The following PWWP2A variants were observed in gnomAD, a reference collection of about 807,000 sequenced individuals.
PWWP2A encodes the protein PWWP domain-containing protein 2A.
Under a neutral mutation model 48.5 loss-of-function variants are expected in PWWP2A, and 18 were observed. The ratio of observed to expected loss-of-function variants is 0.37; its 90% CI spans 0.26 to 0.55. The LOEUF (loss-of-function observed/expected upper bound fraction) is 0.55, where lower values mean the gene tolerates loss of function less well. Among genes scored for constraint, PWWP2A ranks in the 20% least tolerant of loss-of-function variants. PWWP2A has a pLI of 0.81. For missense variants in PWWP2A, 867 were observed against 976.4 expected, an observed-to-expected ratio of 0.89 and a Z score of 1.49; for synonymous variants, 396 against 387.7, an observed-to-expected ratio of 1.02 and a Z score of -0.25.
rs747040749 is a variant in PWWP2A, at chr5:160,118,875, C to T, written c.514G>A (p.Asp172Asn). Residue 172 changes from aspartate (D) to asparagine (N), a missense_variant, in exon 1 of 2, where the codon GAC (aspartate) becomes AAC (asparagine). This residue lies in a region of PWWP2A where 385 missense variants were observed against 396.9 expected (regional missense o/e 0.97). Coordinates refer to ENST00000307063, the MANE Select transcript of PWWP2A (RefSeq NM_001130864.2). Reference protein sequence around the residue: ...VRVTLDHIIEDALVVSFRFGE... With the variant: ...VRVTLDHIIENALVVSFRFGE... The stretch of plus-strand genomic sequence containing the variant: ...AAGCGGAACGACACGACAAGCGCGT[C>T]CTCAATGATGTGGTCCAGCGTGACC... 1 of 1,596,872 alleles carries T rather than the reference C, an allele frequency of 6.3e-7. No homozygotes were observed. Among genetic ancestry groups the T allele is most frequent in the African/African-American group, 1.4e-5 (1 of 72,736 alleles).
At chr5:160,063,773 A>G (rs554277020) in intron 4 of PWWP2A, 48 of 152,250 alleles carry the variant, frequency 3.2e-4, no homozygotes, top group Admixed American at 1.0e-3. Flanking sequence ...GATGTTCCTT[A>G]TATCTTAAAA....
rs761605323 is a variant in PWWP2A at position 160,093,873 on chromosome 5, A to G, written c.777T>C (p.Thr259=). The change falls in exon 2 of 2, where the codon ACT becomes ACC. Residue 259 remains threonine (T), a synonymous_variant. Coordinates refer to ENST00000307063, the MANE Select transcript of PWWP2A (RefSeq NM_001130864.2). The surrounding 1 kb of genome is among the most constrained non-coding windows in gnomAD (Gnocchi z 5.8). The part of the protein sequence containing the change: ...PELSLAESLW[T]SKPPPLFHEG... ...CATGGAAGAGAGGTGGTGGTTTGGA[A>G]GTCCACAGGCTTTCAGCCAAGCTCA... 3.7e-6 allele frequency: 6 copies of G among 1,614,042 alleles called. No individual in the cohort carries two copies. Among genetic ancestry groups the G allele is most frequent in the Non-Finnish European group, 5.1e-6 (6 of 1,179,894 alleles).
At chr5:160,104,679 C>A (rs1756685733) in intron 1 of PWWP2A, among the ~76,000 whole-genome samples, 1 of 152,062 alleles carries the variant, frequency 6.6e-6, no homozygotes, top group Non-Finnish European at 1.5e-5. Context: ...ATGGTGGATG[C>A]CTGTAATCCC....
intron 1 of PWWP2A, among the ~76,000 whole-genome samples, chr5:160,112,126 CAAAAAA>C (rs11480893): frequency 3.2e-4 from 29 of 90,866 alleles, no homozygotes; most frequent in African/African-American, 1.3e-3. Flanking sequence ...GACCCTTTCT[CAAAAAA>C]AAAAAAAAAA....
intron 2 of PWWP2A, among the ~76,000 whole-genome samples, chr5:160,067,336 T>C (rs1055195455): frequency 6.6e-6 from 1 of 152,150 alleles, no homozygotes; most frequent in Admixed American, 6.5e-5. Context: ...GATAGACACC[T>C]TGAAATGGTC....
the PWWP2A span, chr5:160,049,748 T>C: frequency 8.6e-7 from 1 of 1,165,726 alleles, no homozygotes; most frequent in Non-Finnish European, 1.2e-6. Flanking sequence ...TCAGACACAA[T>C]TAAATTCCAT....
At chr5:160,108,064 A>G (rs557533718) in intron 1 of PWWP2A, among the ~76,000 whole-genome samples, 85 of 152,302 alleles carry the variant, frequency 5.6e-4, no homozygotes, top group African/African-American at 2.0e-3. Context: ...TGTGTATAAC[A>G]CATCTAGTGT....
chr5:160,100,738 T>A (rs748259318), intron 1 of PWWP2A, among the ~76,000 whole-genome samples: 83 of 152,350 alleles, frequency 5.4e-4, no homozygotes, highest in Non-Finnish European at 1.1e-3. Flanking sequence ...AAGCTTATTG[T>A]GGTTCATATT....
chr5:160,090,096 TTG>T (rs1291442220), downstream of PWWP2A: 1 of 984,654 alleles, frequency 1.0e-6, no homozygotes, highest in African/African-American at 1.7e-5. Context: ...GGCATATCAT[TTG>T]TGATATGCTC....
chr5:160,085,122 G>A (rs1406414482), intron 2 of PWWP2A, among the ~76,000 whole-genome samples: 1 of 151,806 alleles, frequency 6.6e-6, no homozygotes, highest in African/African-American at 2.4e-5. Flanking sequence ...TCTGCCTCCT[G>A]GGTTCAAGTG....
At chr5:160,081,363 T>A (rs759573645) in intron 2 of PWWP2A, among the ~76,000 whole-genome samples, 37 of 151,758 alleles carry the variant, frequency 2.4e-4, no homozygotes, top group Non-Finnish European at 1.3e-4. Context: ...CTCAGCCTTC[T>A]GAGTAGCTAG....
At position 160,092,611 on chromosome 5, in the gene PWWP2A, C is replaced by T. The variant is rs548034967; in HGVS notation, c.2039G>A (p.Arg680Gln). ...TCGGACTAAAAGGCCGTTATCTTTC[C>T]GGCTCACAGTTATAGTAAGAATACG... ...PARILTITVS[R>Q]KDNGLLVRQE... Residue 680 changes from arginine to glutamine, a missense_variant, in exon 2 of 2, where the codon CGG (arginine) becomes CAG (glutamine). Transcript: ENST00000307063. 6.4e-6 allele frequency: 10 copies of T among 1,551,634 alleles called. No individual in the cohort carries two copies. The highest frequency in any genetic ancestry group is 5.9e-5 in the Admixed American group (3 of 50,988).
downstream of PWWP2A, among the ~76,000 whole-genome samples, chr5:160,061,453 T>C (rs1753394138): frequency 6.6e-6 from 1 of 152,248 alleles, no homozygotes; most frequent in South Asian, 2.1e-4. Context: ...GTATAGACCA[T>C]GTCATGTATC....
At chr5:160,117,790 CTT>C in intron 1 of PWWP2A, 5 of 666,046 alleles carry the variant, frequency 7.5e-6, no homozygotes, top group Non-Finnish European at 7.4e-6. Flanking sequence ...ATTCCTGGGT[CTT>C]GATGGGAGAG....
intron 1 of PWWP2A, among the ~76,000 whole-genome samples, chr5:160,114,769 A>T (rs1176349280): frequency 4.1e-4 from 2 of 4,838 alleles, no homozygotes; most frequent in Admixed American, 5.8e-3. Context: ...TCTCAAGGGT[A>T]AAAAAAAAAA....
chr5:160,059,092 G>A (rs986571047), downstream of PWWP2A, among the ~76,000 whole-genome samples: 10 of 152,046 alleles, frequency 6.6e-5, no homozygotes, highest in East Asian at 7.7e-4. Context: ...CTGTATTATC[G>A]CCTAACAAGA....
chr5:160,051,748 T>C, the PWWP2A span, among the ~76,000 whole-genome samples: 1 of 152,186 alleles, frequency 6.6e-6, no homozygotes, highest in African/African-American at 2.4e-5. Context: ...ATTTTAGAGT[T>C]GGAACCTCCC....
the PWWP2A span, among the ~76,000 whole-genome samples, chr5:160,046,592 A>G: frequency 6.6e-6 from 1 of 152,144 alleles, no homozygotes; most frequent in African/African-American, 2.4e-5. Flanking sequence ...CCTTGTGTGT[A>G]TATTTCAAAA....
At position 160,093,039 on chromosome 5, in the gene PWWP2A, A is replaced by AACCTC; in HGVS notation, c.1606_1610dup (p.Gln538ArgfsTer33). 1 of 1,606,660 alleles carries AACCTC rather than the reference A, an allele frequency of 6.2e-7. No homozygotes were observed. The highest frequency in any genetic ancestry group is 8.5e-7 in the Non-Finnish European group (1 of 1,176,628). ...GCACATGCACTTCATTTGTGTCCTG[A>AACCTC]ACCTCACTGCTGGCCTCTTCAGGGC... On this transcript the variant is annotated frameshift_variant, in exon 2 of 2. Coordinates refer to ENST00000307063, the MANE Select transcript of PWWP2A (RefSeq NM_001130864.2). LOFTEE classifies it high-confidence loss of function. This position sits in a 1 kb window ranked among gnomAD's most constrained non-coding sequence, Gnocchi z 5.8.
Sources: gnomAD v4.1 joint callset for allele counts (sites outside exome capture counted in the v4.1 genomes callset) on GRCh38, gnomAD v4.1.1 for gene constraint, gnomAD v4.1.1 regional missense constraint, Gnocchi (gnomAD v3.1) non-coding constraint, MANE v1.5 for transcripts, NCBI Gene and HGNC (gene_info 2026-07-23, HGNC 2026-07-21) for gene names.